The following CSMD1 variants were observed in gnomAD, a reference collection of about 807,000 sequenced individuals.
CSMD1 encodes the protein CUB and Sushi multiple domains 1.
A neutral mutation model predicts 417.5 loss-of-function variants in CSMD1; 213 were observed. That is an observed-to-expected ratio of 0.51 (90% CI 0.46 to 0.57). CSMD1 has a LOEUF of 0.57. CSMD1 is among the 20% of genes least tolerant of loss of function. CSMD1 has a pLI of 0.00. For missense variants in CSMD1, 6,923 were observed against 4,529.7 expected (o/e 1.53, Z -15.17); for synonymous variants, 2,862 against 1,736.8 (o/e 1.65, Z -16.11).
intron 2 of CSMD1, among the ~76,000 whole-genome samples, chr8:4,425,194 G>A (rs1797478372): frequency 6.6e-6 from 1 of 151,956 alleles, no homozygotes; most frequent in Non-Finnish European, 1.5e-5. Flanking sequence ...TTACGAAGGG[G>A]TGTGGTCAAA....
rs117830951 is a variant in CSMD1, at chr8:3,599,316, G to A, written c.1098-13056C>T. ...ATGTGTGGGTGCTGAGAACACCTGA[G>A]ATCTACCCTCTTAGCAAATTCTCAG... On this transcript the variant is annotated intron_variant, in intron 8 of 69. Coordinates refer to ENST00000635120, the MANE Select transcript of CSMD1 (RefSeq NM_033225.6). Among the ~76,000 whole-genome samples, 487 of 152,196 alleles carry A rather than the reference G, an allele frequency of 3.2e-3. 1 individual carries two copies. The highest frequency in any genetic ancestry group is 4.4e-3 in the South Asian group (21 of 4,822).
chr8:3,044,086 G>C (rs185769026), intron 50 of CSMD1, among the ~76,000 whole-genome samples: 110 of 152,190 alleles, frequency 7.2e-4, no homozygotes, highest in African/African-American at 2.5e-3. Flanking sequence ...AGTTATGATA[G>C]CAGCTTGATG....
intron 5 of CSMD1, among the ~76,000 whole-genome samples, chr8:3,835,178 G>C (rs1257703554): frequency 1.3e-5 from 2 of 148,576 alleles, no homozygotes; most frequent in Non-Finnish European, 3.0e-5. Flanking sequence ...CAGGGATCTA[G>C]AACTAGAAAT....
chr8:4,850,668 C>G (rs989375820), intron 1 of CSMD1, among the ~76,000 whole-genome samples: 2 of 151,926 alleles, frequency 1.3e-5, no homozygotes, highest in Non-Finnish European at 2.9e-5. Context: ...TGCTCCTTAC[C>G]CCCTTAGCTT....
At chr8:4,876,662 T>C (rs1471757388) in intron 1 of CSMD1, among the ~76,000 whole-genome samples, 1 of 152,066 alleles carries the variant, frequency 6.6e-6, no homozygotes, top group East Asian at 1.9e-4. Context: ...ATGTGTTGTG[T>C]TTTAAGTGCC....
intron 26 of CSMD1, among the ~76,000 whole-genome samples, chr8:3,260,724 C>G (rs1800998995): frequency 6.6e-6 from 1 of 152,086 alleles, no homozygotes; most frequent in African/African-American, 2.4e-5. Flanking sequence ...CTCGACCTAC[C>G]TCAAGAGTTA....
chr8:4,293,094 G>C (rs893394344), intron 3 of CSMD1, among the ~76,000 whole-genome samples: 1 of 152,164 alleles, frequency 6.6e-6, no homozygotes, highest in Admixed American at 6.5e-5. Context: ...TGCACATGCG[G>C]AAACAGCAGG....
At chr8:3,308,738 T>G (rs1197355141) in intron 23 of CSMD1, among the ~76,000 whole-genome samples, 108 of 147,188 alleles carry the variant, frequency 7.3e-4, no homozygotes, top group African/African-American at 2.6e-3. Flanking sequence ...ACAAGTTTTT[T>G]TTTTTTTTTT....
chr8:3,921,997 T>C (rs556668566), intron 5 of CSMD1, among the ~76,000 whole-genome samples: 3 of 152,298 alleles, frequency 2.0e-5, no homozygotes, highest in African/African-American at 7.2e-5. Context: ...AGTTCCATAC[T>C]GTTAATATAT....
intron 5 of CSMD1, among the ~76,000 whole-genome samples, chr8:3,831,288 CCCTGGGGAGCTGT>C (rs1220322235): frequency 2.6e-5 from 4 of 152,112 alleles, no homozygotes; most frequent in Admixed American, 2.6e-4. Flanking sequence ...AGGGGAGCTG[CCCTGGGGAGCTGT>C]GGCATGTTGC....
chr8:3,929,297 T>C (rs1344146849), intron 5 of CSMD1, among the ~76,000 whole-genome samples: 1 of 150,492 alleles, frequency 6.6e-6, no homozygotes, highest in Non-Finnish European at 1.5e-5. Context: ...AGAAACTCAA[T>C]GCTGAAATTA....
intron 12 of CSMD1, among the ~76,000 whole-genome samples, chr8:3,426,378 C>T (rs539610888): frequency 2.0e-5 from 3 of 152,182 alleles, no homozygotes; most frequent in Admixed American, 6.5e-5. Flanking sequence ...CTTGGAACTC[C>T]CCTTTTGGAT....
chr8:3,418,419 A>G (rs1813291504), intron 12 of CSMD1, among the ~76,000 whole-genome samples: 1 of 152,202 alleles, frequency 6.6e-6, no homozygotes, highest in Non-Finnish European at 1.5e-5. Context: ...CCAGAAAACT[A>G]AGAGACTGGA....
chr8:3,811,722 G>A (rs1340136738), intron 5 of CSMD1, among the ~76,000 whole-genome samples: 1 of 152,060 alleles, frequency 6.6e-6, no homozygotes, highest in Non-Finnish European at 1.5e-5. Flanking sequence ...TGTGAAAGCG[G>A]ATTTCACAAT....
chr8:4,602,400 C>T (rs1800637815), intron 2 of CSMD1, among the ~76,000 whole-genome samples: 1 of 152,086 alleles, frequency 6.6e-6, no homozygotes. Flanking sequence ...ATTTGCTGGT[C>T]CAAGATACGG....
intron 5 of CSMD1, among the ~76,000 whole-genome samples, chr8:3,997,475 C>T (rs901351000): frequency 2.0e-5 from 3 of 152,136 alleles, no homozygotes; most frequent in African/African-American, 4.8e-5. Flanking sequence ...GAATGTGGTA[C>T]ACAGTCTTCA....
In CSMD1 at chr8:3,571,660, C is replaced by G. The variant is rs565841910; in HGVS notation, c.1344+3285G>C. On this transcript the variant is annotated intron_variant, in intron 10 of 69. Coordinates refer to ENST00000635120, the MANE Select transcript of CSMD1 (RefSeq NM_033225.6). ...AGGGAATCCGGTGTTCTGCGCTCCC[C>G]GAGCTCGGGGGTCCTGTGTTCCTCC... 4.0e-3 allele frequency among the ~76,000 whole-genome samples: 604 copies of G among 152,108 alleles called. 2 individuals are homozygous for G. Among genetic ancestry groups the G allele is most frequent in the African/African-American group, 0.014 (570 of 41,486 alleles).
At chr8:4,104,659 C>T (rs1291115372) in intron 3 of CSMD1, among the ~76,000 whole-genome samples, 1 of 152,026 alleles carries the variant, frequency 6.6e-6, no homozygotes, top group African/African-American at 2.4e-5. Context: ...AAGAGCTGTG[C>T]CACAGACTAG....
intron 1 of CSMD1, among the ~76,000 whole-genome samples, chr8:4,725,042 T>G (rs1411217300): frequency 6.6e-6 from 1 of 152,166 alleles, no homozygotes; most frequent in East Asian, 1.9e-4. Context: ...TTTTGCTATT[T>G]TAAACATAAA....
Sources: allele counts gnomAD v4.1 joint callset (sites outside exome capture counted in the v4.1 genomes callset), GRCh38; gene constraint gnomAD v4.1.1; transcripts MANE v1.5; gene names NCBI Gene and HGNC (gene_info 2026-07-23, HGNC 2026-07-21).